The following PRELID2 variants were observed in gnomAD, a reference collection of about 807,000 sequenced individuals.
PRELID2 encodes the protein PRELI domain containing 2.
A neutral mutation model predicts 28.4 loss-of-function variants in PRELID2; 25 were observed. The observed-to-expected ratio is 0.88, with a 90% confidence interval of 0.64 to 1.23. The LOEUF is 1.23. Ranked by LOEUF, PRELID2 falls within the 50% of genes most tolerant of loss-of-function variation. The pLI, the probability that PRELID2 is intolerant of heterozygous loss-of-function variation, is 0.00. For missense variants in PRELID2, 201 were observed against 214.4 expected (o/e 0.94, Z 0.39); for synonymous variants, 76 against 71.6 (o/e 1.06, Z -0.31).
rs1490493259 is a variant in PRELID2 at position 145,642,276 on chromosome 5, GT to G, written n.70+122654del. 5.9e-5 allele frequency among the ~76,000 whole-genome samples: 9 copies of G among 152,046 alleles called. 1 individual carries two copies. In the East Asian group the frequency reaches 1.5e-3, roughly 26 times the overall value. ...TTCTCTAATGACCAGTGATGATGAG[GT>G]TTTTTTCATTTGCTTATTGACTGAA... On this transcript the variant is annotated intron_variant and non_coding_transcript_variant, in intron 1 of 2. Coordinates refer to the PRELID2 transcript ENST00000510259.
the PRELID2 span, among the ~76,000 whole-genome samples, chr5:145,239,760 A>T: frequency 6.6e-6 from 1 of 151,884 alleles, no homozygotes; most frequent in African/African-American, 2.4e-5. Context: ...CTTCTGCCCT[A>T]CTCAAGTGGC....
chr5:145,493,601 C>T (rs1752286335), intron 1 of PRELID2, among the ~76,000 whole-genome samples: 1 of 152,138 alleles, frequency 6.6e-6, no homozygotes, highest in Non-Finnish European at 1.5e-5. Flanking sequence ...TCTCTGCTCC[C>T]ATCACTCTGC....
intron 1 of PRELID2, among the ~76,000 whole-genome samples, chr5:145,501,729 T>G (rs976603144): frequency 6.6e-6 from 1 of 152,138 alleles, no homozygotes; most frequent in African/African-American, 2.4e-5. Context: ...ATCAGCAGCA[T>G]GAAAACAGAC....
At chr5:145,512,059 T>C (rs1369023355) in intron 1 of PRELID2, among the ~76,000 whole-genome samples, 4 of 152,132 alleles carry the variant, frequency 2.6e-5, no homozygotes, top group Admixed American at 2.0e-4. Flanking sequence ...GAATCAGCAA[T>C]GAATCCTAGG....
chr5:145,667,496 G>A (rs1411490093), intron 1 of PRELID2, among the ~76,000 whole-genome samples: 1 of 152,038 alleles, frequency 6.6e-6, no homozygotes, highest in East Asian at 1.9e-4. Flanking sequence ...TGAAGACACT[G>A]AGGCACAAGG....
chr5:145,285,399 T>C, the PRELID2 span, among the ~76,000 whole-genome samples: 1 of 152,076 alleles, frequency 6.6e-6, no homozygotes, highest in South Asian at 2.1e-4. Context: ...GCTCCCCCGC[T>C]CCGCCCAGTT....
At chr5:145,805,407 A>G (rs757249283) in intron 4 of PRELID2, among the ~76,000 whole-genome samples, 31 of 152,216 alleles carry the variant, frequency 2.0e-4, no homozygotes, top group Non-Finnish European at 2.1e-4. Flanking sequence ...ATGTATGCTT[A>G]CCACTGGGAC....
chr5:145,668,901 G>A (rs774005649), intron 1 of PRELID2, among the ~76,000 whole-genome samples: 4 of 152,054 alleles, frequency 2.6e-5, no homozygotes, highest in Non-Finnish European at 5.9e-5. Context: ...TAGCTTAATC[G>A]TCCTGTTAAG....
intron 1 of PRELID2, among the ~76,000 whole-genome samples, chr5:145,593,487 A>G (rs1458638886): frequency 1.3e-5 from 2 of 152,242 alleles, no homozygotes; most frequent in African/African-American, 4.8e-5. Context: ...CAATCAGTTA[A>G]AACATCCAGC....
At chr5:145,419,671 A>G in the PRELID2 span, among the ~76,000 whole-genome samples, 18 of 151,980 alleles carry the variant, frequency 1.2e-4, no homozygotes, top group East Asian at 7.7e-4. Context: ...TTTCTCCCAC[A>G]TTGTAGGTTG....
chr5:145,586,320 C>G (rs890816281), intron 1 of PRELID2, among the ~76,000 whole-genome samples: 1 of 151,930 alleles, frequency 6.6e-6, no homozygotes, highest in Non-Finnish European at 1.5e-5. Context: ...TCACAATAAC[C>G]TGTCCTTCCC....
chr5:145,485,240 G>T (rs1286970809), intron 1 of PRELID2, among the ~76,000 whole-genome samples: 3 of 152,216 alleles, frequency 2.0e-5, no homozygotes, highest in Admixed American at 6.5e-5. Flanking sequence ...GACAAAATAA[G>T]TGTCAGCCAC....
chr5:145,418,490 C>T, the PRELID2 span, among the ~76,000 whole-genome samples: 1 of 152,092 alleles, frequency 6.6e-6, no homozygotes, highest in Non-Finnish European at 1.5e-5. Flanking sequence ...TCAAACTATA[C>T]TACAGGGCTA....
At chr5:145,662,043 C>T (rs1002674244) in intron 1 of PRELID2, among the ~76,000 whole-genome samples, 1 of 151,910 alleles carries the variant, frequency 6.6e-6, no homozygotes, top group Non-Finnish European at 1.5e-5. Context: ...GTTTCCAAAT[C>T]ATTTTTCCCC....
At chr5:145,814,990 C>T (rs551142986) in intron 4 of PRELID2, among the ~76,000 whole-genome samples, 32 of 152,308 alleles carry the variant, frequency 2.1e-4, no homozygotes, top group Admixed American at 2.1e-3. Context: ...GACTGCATGT[C>T]GGTGCCCTCC....
At chr5:145,242,032 TC>T in the PRELID2 span, among the ~76,000 whole-genome samples, 1 of 151,972 alleles carries the variant, frequency 6.6e-6, no homozygotes, top group Admixed American at 6.6e-5. Context: ...TCCCAAGTTT[TC>T]CCCTTGAAGA....
the PRELID2 span, among the ~76,000 whole-genome samples, chr5:145,252,616 C>A: frequency 6.6e-6 from 1 of 152,064 alleles, no homozygotes; most frequent in Non-Finnish European, 1.5e-5. Flanking sequence ...AATGTGCTAG[C>A]CTTTCTCCAT....
intron 1 of PRELID2, among the ~76,000 whole-genome samples, chr5:145,639,313 A>C (rs1256612598): frequency 1.3e-5 from 2 of 152,118 alleles, no homozygotes; most frequent in African/African-American, 4.8e-5. Flanking sequence ...TTATAATAAA[A>C]CTCACTTCTA....
chr5:145,354,347 T>C, the PRELID2 span, among the ~76,000 whole-genome samples: 1 of 152,166 alleles, frequency 6.6e-6, no homozygotes, highest in African/African-American at 2.4e-5. Flanking sequence ...TTACATTTTA[T>C]TTTGGTGGTG....
Sources: gnomAD v4.1 joint callset for allele counts (sites outside exome capture counted in the v4.1 genomes callset) on GRCh38, gnomAD v4.1.1 for gene constraint, MANE v1.5 for transcripts, NCBI Gene and HGNC (gene_info 2026-07-23, HGNC 2026-07-21) for gene names.